Variants in NDUFS1 observed in about 807,000 individuals in gnomAD.
NDUFS1 encodes the protein NADH-ubiquinone oxidoreductase 75 kDa subunit, mitochondrial.
Under a neutral mutation model 84.4 loss-of-function variants are expected in NDUFS1, and 61 were observed. The ratio of observed to expected loss-of-function variants is 0.72; its 90% CI spans 0.59 to 0.89. NDUFS1 has a LOEUF of 0.89. Among genes scored for constraint, NDUFS1 ranks in the 40% least tolerant of loss-of-function variants. NDUFS1 has a pLI of 0.00. For missense variants in NDUFS1, 891 were observed against 890.0 expected (o/e 1.00, Z -0.01); for synonymous variants, 275 against 290.0 (o/e 0.95, Z 0.53).
intron 16 of NDUFS1, among the ~76,000 whole-genome samples, chr2:206,127,219 C>G (rs986451681): frequency 6.6e-6 from 1 of 152,160 alleles, no homozygotes; most frequent in African/African-American, 2.4e-5. Context: ...AAAGACAAGT[C>G]AACAATTTTC....
chr2:206,144,766 C>G, intron 9 of NDUFS1, 126 bp downstream of exon 9: 1 of 931,544 alleles, frequency 1.1e-6, no homozygotes, highest in Non-Finnish European at 1.6e-6. Flanking sequence ...ATTATATAAG[C>G]AACTCAGATT....
At chr2:206,132,493 T>C (rs1453885012) in intron 14 of NDUFS1, among the ~76,000 whole-genome samples, 1 of 151,658 alleles carries the variant, frequency 6.6e-6, no homozygotes, top group Non-Finnish European at 1.5e-5. Flanking sequence ...GAGGCAGGGG[T>C]GGGAGGATCG....
At chr2:206,138,698 T>C (rs998417347) in intron 12 of NDUFS1, 84 bp from the exon 13 acceptor site, 10 of 1,365,278 alleles carry the variant, frequency 7.3e-6, no homozygotes, top group Non-Finnish European at 1.0e-6. Flanking sequence ...TACATCTATT[T>C]ACTATTACAA....
intron 14 of NDUFS1, 119 bp from the exon 15 acceptor site, chr2:206,130,361 A>AT: frequency 1.5e-6 from 2 of 1,314,594 alleles, no homozygotes; most frequent in Non-Finnish European, 2.1e-6. Context: ...ATTTTATTTT[A>AT]TTTTTTTCTC....
At position 206,124,222 on chromosome 2, in the gene NDUFS1, T is replaced by G; in HGVS notation, c.2147A>C (p.Glu716Ala). The change falls in exon 19 of 19, where the codon GAG becomes GCG. Residue 716 changes from glutamate (E) to alanine (A), a missense_variant. Glu to Ala is a moderately radical substitution (Grantham distance 107). Transcript: ENST00000233190. ...TMAKCVKAVT[E>A]GAQAVEEPSI... ...TGGTTCCTCTACTGCCTGGGCACCC[T>G]CTGTGACAGCTTTGACACATTTGGC... 1 of 1,613,654 alleles carries G rather than the reference T, an allele frequency of 6.2e-7. No individual in the cohort carries two copies. The highest frequency in any genetic ancestry group is 8.5e-7 in the Non-Finnish European group (1 of 1,179,552).
rs539046435 is a variant in NDUFS1, at chr2:206,157,963, C to CTTCTTTT, written c.-5+1377_-5+1378insAAAAGAA. Among the ~76,000 whole-genome samples, 929 of 131,770 alleles carry CTTCTTTT rather than the reference C, an allele frequency of 7.1e-3. 43 individuals carry two copies. The highest frequency in any genetic ancestry group is 0.012 in the African/African-American group (410 of 34,220). 86.4% of individuals were successfully genotyped at this position (131,770 alleles called of 152,430 possible). ...CTCCTTGCCTGGAGTATTTCAATAG[C>CTTCTTTT]TTTTTTTTTTTTTTTTTTGAGACAG... On this transcript the variant is annotated intron_variant, in intron 1 of 18. Transcript: ENST00000233190.
At position 206,126,727 on chromosome 2, in the gene NDUFS1, C is replaced by T; in HGVS notation, c.2002G>A (p.Ala668Thr). The T allele has an allele frequency of 1.2e-6, 2 of 1,614,148 alleles. No individual in the cohort carries two copies. Among genetic ancestry groups the T allele is most frequent in the African/African-American group, 1.3e-5 (1 of 75,060 alleles). ...DIEGANYFQQ[A>T]NELSKLVNQQ... ...GCTGTTACCTTTGAGAGCTCATTTGCTTGCTGGAAGTAATTAGCCCCTTCA... is the reference window on the plus strand; with the variant it reads ...GCTGTTACCTTTGAGAGCTCATTTGTTTGCTGGAAGTAATTAGCCCCTTCA... Residue 668 changes from alanine to threonine, a missense_variant, in exon 17 of 19, where the codon GCA becomes ACA. Ala to Thr is a moderately conservative substitution (Grantham distance 58). Coordinates refer to ENST00000233190, the MANE Select transcript of NDUFS1 (RefSeq NM_005006.7).
rs1691074317 is a variant in NDUFS1, at chr2:206,120,804, A to T, written c.*3381T>A. ...AAGGAAAAAGCACTTTGAGGAGAGGAATACAAGCAGGCTGCAGGAATACAG... is the reference window on the plus strand; with the variant it reads ...AAGGAAAAAGCACTTTGAGGAGAGGTATACAAGCAGGCTGCAGGAATACAG... On this transcript the variant is annotated 3_prime_UTR_variant, in exon 19 of 19. Coordinates refer to ENST00000233190, the MANE Select transcript of NDUFS1 (RefSeq NM_005006.7). 6.6e-6 allele frequency: 1 copy of T among 152,220 alleles called. No homozygotes were observed. The highest frequency in any genetic ancestry group is 2.1e-4 in the South Asian group (1 of 4,824). 9.4% of individuals were successfully genotyped at this position (152,220 alleles called of 1,614,324 possible).
intron 12 of NDUFS1, among the ~76,000 whole-genome samples, chr2:206,139,101 A>G (rs1170826535): frequency 6.6e-6 from 1 of 151,758 alleles, no homozygotes; most frequent in East Asian, 1.9e-4. Context: ...GGGTAACAAG[A>G]GCAAAACTCC....
At chr2:206,136,097 C>CTGGA (rs1188078127) in intron 13 of NDUFS1, among the ~76,000 whole-genome samples, 2 of 151,510 alleles carry the variant, frequency 1.3e-5, no homozygotes, top group Non-Finnish European at 2.9e-5. Context: ...GTCACCCAGG[C>CTGGA]TGGAGTCCAA....
chr2:206,148,367 C>G (rs901812138), intron 5 of NDUFS1, among the ~76,000 whole-genome samples: 3 of 152,060 alleles, frequency 2.0e-5, no homozygotes, highest in African/African-American at 7.2e-5. Flanking sequence ...CTATGTTGCC[C>G]AGGCTGGACT....
At chr2:206,130,288 T>C (rs1358493043) in intron 14 of NDUFS1, 46 bp from the exon 15 acceptor site, 3 of 1,599,152 alleles carry the variant, frequency 1.9e-6, no homozygotes, top group South Asian at 1.1e-5. Flanking sequence ...GTATTTTCAA[T>C]GTAAAAAATT....
chr2:206,138,928 C>T (rs1691827784), intron 12 of NDUFS1, among the ~76,000 whole-genome samples: 1 of 152,146 alleles, frequency 6.6e-6, no homozygotes, highest in East Asian at 2.0e-4. Flanking sequence ...ACCAGCCTGA[C>T]CAACATGGTG....
chr2:206,144,143 G>C lies in NDUFS1; in HGVS notation c.873-11C>G. The C allele has an allele frequency of 6.4e-7, 1 of 1,570,300 alleles. No individual in the cohort carries two copies. Among genetic ancestry groups the C allele is most frequent in the Non-Finnish European group, 8.8e-7 (1 of 1,140,242 alleles). ...CCATCATAGGCAAATCTAGAAAACA[G>C]AAATTACACCATTGTGGAATCTTGC... On this transcript the variant is annotated splice_polypyrimidine_tract_variant and intron_variant, in intron 9 of 18. Coordinates refer to ENST00000233190, the MANE Select transcript of NDUFS1 (RefSeq NM_005006.7).
In NDUFS1 at chr2:206,138,537, T is replaced by G; in HGVS notation, c.1340A>C (p.Asp447Ala). The G allele has an allele frequency of 6.2e-7, 1 of 1,613,794 alleles. No homozygotes were observed. The highest frequency in any genetic ancestry group is 1.7e-5 in the Admixed American group (1 of 59,966). The change falls in exon 13 of 19, where the codon GAC (aspartate) becomes GCC (alanine). Residue 447 changes from aspartate (D) to alanine (A), a missense_variant. Transcript: ENST00000233190. ...DLTYTYDHLG[D>A]SPKILQDIAS... ...AATGTCTTGAAGAATTTTGGGGGAG[T>G]CTCCCAGGTGGTCATATGTGTAAGT...
rs1338661611 is a variant in NDUFS1 at position 206,119,697 on chromosome 2, G to C, written c.*4488C>G. ...CCCAAAGTGCTGGGATTACAGGCTTGAGCTACTGTGCCAGGCCAAGTATAT... is the reference window on the plus strand; with the variant it reads ...CCCAAAGTGCTGGGATTACAGGCTTCAGCTACTGTGCCAGGCCAAGTATAT... On this transcript the variant is annotated 3_prime_UTR_variant, in exon 19 of 19. Transcript: ENST00000233190. 6.6e-6 allele frequency: 1 copy of C among 152,190 alleles called. No individual in the cohort carries two copies. The highest frequency in any genetic ancestry group is 2.4e-5 in the African/African-American group (1 of 41,432). 9.4% of individuals were successfully genotyped at this position (152,190 alleles called of 1,614,324 possible). A position where few individuals can be genotyped will look rare whatever the true frequency, so the allele number is the denominator to read the frequency against.
At chr2:206,140,023 T>C (rs749873792) in intron 12 of NDUFS1, among the ~76,000 whole-genome samples, 1 of 151,692 alleles carries the variant, frequency 6.6e-6, no homozygotes, top group Non-Finnish European at 1.5e-5. Context: ...AATATAAACG[T>C]AGGCTTATGA....
chr2:206,129,323 C>T lies in NDUFS1; in HGVS notation c.1708+765G>A, dbSNP rs964145616. 5.3e-5 allele frequency among the ~76,000 whole-genome samples: 8 copies of T among 152,118 alleles called. No homozygotes were observed. The South Asian group carries it at 6.2e-4, about 12-fold the overall frequency. On this transcript the variant is annotated intron_variant, in intron 15 of 18. Transcript: ENST00000233190. The stretch of plus-strand genomic sequence containing the variant: ...TGTCACCCAGGCTGGAGTGCAGTGA[C>T]GTGATCATGGCTCATTGCAGCCTCA...
At position 206,144,103 on chromosome 2, in the gene NDUFS1, C is replaced by A; in HGVS notation, c.902G>T (p.Arg301Ile). 1 of 1,614,038 alleles carries A rather than the reference C, an allele frequency of 6.2e-7. No individual in the cohort carries two copies. The highest frequency in any genetic ancestry group is 1.1e-5 in the South Asian group (1 of 91,070). Residue 301 changes from arginine (R) to isoleucine (I), a missense_variant, in exon 10 of 19, where the codon AGA becomes ATA. By Grantham distance (97) the Arg-to-Ile change is moderately conservative. Coordinates refer to ENST00000233190, the MANE Select transcript of NDUFS1 (RefSeq NM_005006.7). ...ATTTCTGACCATTGGCTCGGTAAGT[C>A]TTTGACGTTTTAGCCCATCATAGGC... ...RFAYDGLKRQ[R>I]LTEPMVRNEK...
Sources: gnomAD v4.1 joint callset for allele counts (sites outside exome capture counted in the v4.1 genomes callset) on GRCh38, gnomAD v4.1.1 for gene constraint, MANE v1.5 for transcripts, NCBI Gene and HGNC (gene_info 2026-07-23, HGNC 2026-07-21) for gene names.